RGS8: variants seen among roughly 807,000 people sequenced by gnomAD.
The protein encoded by RGS8 is regulator of G protein signaling 8, also known as regulator of G-protein signaling 8.
Under a neutral mutation model 21.7 loss-of-function variants are expected in RGS8, and 8 were observed. That is an observed-to-expected ratio of 0.37 (90% CI 0.22 to 0.66). The LOEUF is 0.66. Among genes scored for constraint, RGS8 ranks in the 30% least tolerant of loss-of-function variants. RGS8 has a pLI of 0.59. For missense variants in RGS8, 157 were observed against 217.9 expected (o/e 0.72, Z 1.76); for synonymous variants, 80 against 83.6 (o/e 0.96, Z 0.24).
the RGS8 span, among the ~76,000 whole-genome samples, chr1:182,732,267 T>TCACACACACACACA: frequency 2.3e-4 from 31 of 133,070 alleles, no homozygotes; most frequent in African/African-American, 8.7e-4. Flanking sequence ...TCGCTCTCTC[T>TCACACACACACACA]CTCATACACA....
chr1:182,698,044 C>T, the RGS8 span, among the ~76,000 whole-genome samples: 7 of 152,206 alleles, frequency 4.6e-5, no homozygotes, highest in Non-Finnish European at 1.0e-4. Flanking sequence ...CAGGCGATTG[C>T]TGTCCTCCCT....
intron 1 of RGS8, among the ~76,000 whole-genome samples, chr1:182,678,279 T>C (rs1202333330): frequency 6.6e-6 from 1 of 152,152 alleles, no homozygotes; most frequent in Admixed American, 6.5e-5. Flanking sequence ...ATATTTGAAA[T>C]TGTGCCTACA....
chr1:182,661,150 T>A (rs2023597), intron 5 of RGS8, among the ~76,000 whole-genome samples: 9,833 of 151,566 alleles, frequency 0.065, 767 homozygotes, highest in African/African-American at 0.19. Flanking sequence ...TATTTTTATA[T>A]CTCAACCATT....
intron 5 of RGS8, among the ~76,000 whole-genome samples, chr1:182,655,123 C>T (rs1402273215): frequency 6.6e-6 from 1 of 152,172 alleles, no homozygotes; most frequent in Non-Finnish European, 1.5e-5. Context: ...AAAAACAAAG[C>T]TTAGAGAAGC....
Position 182,667,097 on chromosome 1 carries a change from C to G in RGS8, c.27-124G>C. 1.9e-5 allele frequency: 14 copies of G among 737,754 alleles called. No individual in the cohort carries two copies. The South Asian group carries it at 2.2e-4, about 11-fold the overall frequency. 45.7% of individuals were successfully genotyped at this position (737,754 alleles called of 1,614,324 possible). A position where few individuals can be genotyped will look rare whatever the true frequency, so the allele number is the denominator to read the frequency against. On this transcript the variant is annotated intron_variant, in intron 3 of 6. Transcript: ENST00000483095. ...CTGCCCCCACCCTTCCCCAGGTGGT[C>G]TCTGAAGACTTCATGAACAGGAAGA...
At chr1:182,644,413 C>T (rs1181429203), downstream of RGS8, 1 of 152,280 alleles carries the variant, frequency 6.6e-6, no homozygotes, top group Non-Finnish European at 1.5e-5. Flanking sequence ...CACATGGACA[C>T]ATGCCCACAT....
chr1:182,730,843 A>G, the RGS8 span, among the ~76,000 whole-genome samples: 1 of 152,186 alleles, frequency 6.6e-6, no homozygotes, highest in African/African-American at 2.4e-5. Context: ...GACCAGTCTC[A>G]TTCCCGGAAA....
chr1:182,646,422 C>T, exon 7 of RGS8: 1 of 293,126 alleles, frequency 3.4e-6, no homozygotes, highest in South Asian at 7.0e-5. Flanking sequence ...ACAGATTAGC[C>T]TAGCACAGCA....
the RGS8 span, among the ~76,000 whole-genome samples, chr1:182,710,289 C>G: frequency 6.6e-6 from 1 of 152,114 alleles, no homozygotes; most frequent in East Asian, 1.9e-4. Context: ...TTTCAGTTTC[C>G]TGCTGGCCTG....
chr1:182,729,878 C>A, the RGS8 span, among the ~76,000 whole-genome samples: 9 of 152,192 alleles, frequency 5.9e-5, no homozygotes, highest in East Asian at 1.5e-3. Context: ...AAAGAACGAA[C>A]GGAGGATCCC....
intron 3 of RGS8, among the ~76,000 whole-genome samples, chr1:182,667,845 T>C (rs1403658492): frequency 6.6e-6 from 1 of 152,062 alleles, no homozygotes; most frequent in Admixed American, 6.5e-5. Flanking sequence ...TTCTTTAATA[T>C]GTTTAATTTT....
chr1:182,733,332 G>T, the RGS8 span, among the ~76,000 whole-genome samples: 3 of 152,344 alleles, frequency 2.0e-5, no homozygotes, highest in East Asian at 5.8e-4. Context: ...TTATCTGGGA[G>T]AATTCATGAA....
the RGS8 span, among the ~76,000 whole-genome samples, chr1:182,732,216 A>G: frequency 6.6e-6 from 1 of 151,478 alleles, no homozygotes; most frequent in South Asian, 2.1e-4. Context: ...CAGCAGAACA[A>G]GCGCTCTCTC....
intron 2 of RGS8, 137 bp downstream of exon 3, chr1:182,671,519 AG>A: frequency 1.4e-6 from 1 of 703,790 alleles, no homozygotes; most frequent in East Asian, 2.6e-5. Context: ...ATTTACAAAG[AG>A]GGGGAGAGAA....
chr1:182,659,282 T>C (rs1329111787), intron 5 of RGS8, among the ~76,000 whole-genome samples: 5 of 152,238 alleles, frequency 3.3e-5, no homozygotes, highest in African/African-American at 9.6e-5. Context: ...AGGTGGAGCC[T>C]GTATCTGCAA....
At chr1:182,732,861 T>C in the RGS8 span, among the ~76,000 whole-genome samples, 3 of 152,252 alleles carry the variant, frequency 2.0e-5, no homozygotes, top group African/African-American at 7.2e-5. Flanking sequence ...ACTTTGAAGA[T>C]GATTTCTTGT....
chr1:182,664,376 T>G (rs923086300), intron 5 of RGS8, among the ~76,000 whole-genome samples: 1 of 152,196 alleles, frequency 6.6e-6, no homozygotes, highest in Non-Finnish European at 1.5e-5. Flanking sequence ...GTCCTCTTAT[T>G]AAATTTCTCA....
At chr1:182,651,049 C>T (rs978137326) in intron 5 of RGS8, among the ~76,000 whole-genome samples, 6 of 152,160 alleles carry the variant, frequency 3.9e-5, no homozygotes, top group African/African-American at 1.4e-4. Flanking sequence ...GCTCAGGGCA[C>T]CTCCTGCTCC....
At chr1:182,671,730 T>C (rs1664172286) in exon 2 of RGS8, 1 of 1,614,070 alleles carries the variant, frequency 6.2e-7, no homozygotes, top group African/African-American at 1.3e-5. Flanking sequence ...GTTAAGGTGT[T>C]CTGGGGAAAA....
Sources: allele counts gnomAD v4.1 joint callset (sites outside exome capture counted in the v4.1 genomes callset), GRCh38; gene constraint gnomAD v4.1.1; transcripts MANE v1.5; gene names NCBI Gene and HGNC (gene_info 2026-07-23, HGNC 2026-07-21).